CLYBL: variants seen among roughly 807,000 people sequenced by gnomAD.
CLYBL encodes citramalyl-CoA lyase, mitochondrial.
CLYBL carries 31 observed loss-of-function variants against 38.9 expected under a neutral mutation model. The ratio of observed to expected loss-of-function variants is 0.80; its 90% CI spans 0.60 to 1.08. The LOEUF is 1.08. CLYBL is among the 50% of genes least tolerant of loss of function. The probability of loss-of-function intolerance (pLI) is 0.00; values close to 1 mark genes in which losing one functional copy is unlikely to be tolerated. For missense variants in CLYBL, 434 were observed against 411.6 expected, an observed-to-expected ratio of 1.05 and a Z score of -0.47; for synonymous variants, 171 against 158.6, an observed-to-expected ratio of 1.08 and a Z score of -0.59.
chr13:99,844,468 G>A (rs2051153239), intron 2 of CLYBL, among the ~76,000 whole-genome samples: 1 of 152,198 alleles, frequency 6.6e-6, no homozygotes, highest in South Asian at 2.1e-4. Flanking sequence ...TTGTCCCCAA[G>A]CCCCTGGTGT....
At position 99,793,109 on chromosome 13, in the gene CLYBL, C is replaced by T. The variant is rs566396254; in HGVS notation, c.249+20099C>T. Among the ~76,000 whole-genome samples the T allele has an allele frequency of 5.3e-4, 81 of 151,906 alleles. 1 individual carries two copies. Among genetic ancestry groups the T allele is most frequent in the Non-Finnish European group, 9.4e-4 (64 of 67,986 alleles). ...AAAGCCCCATTTATGCTTACATAGACACACCGTACACATACACGAATCCAT... is the reference window on the plus strand; with the variant it reads ...AAAGCCCCATTTATGCTTACATAGATACACCGTACACATACACGAATCCAT... On this transcript the variant is annotated intron_variant, in intron 2 of 8. Transcript: ENST00000339105.
intron 1 of CLYBL, among the ~76,000 whole-genome samples, chr13:99,692,619 C>T (rs996983604): frequency 3.3e-5 from 5 of 152,120 alleles, no homozygotes; most frequent in African/African-American, 9.7e-5. Context: ...AAAGGACACA[C>T]GTCAGTGGTT....
chr13:99,881,909 T>C (rs2052221057), intron 7 of CLYBL, among the ~76,000 whole-genome samples: 2 of 152,208 alleles, frequency 1.3e-5, no homozygotes, highest in African/African-American at 4.8e-5. Context: ...TAATAAATTA[T>C]AGTAAGAACT....
At chr13:99,799,688 G>T (rs1191540513) in intron 2 of CLYBL, among the ~76,000 whole-genome samples, 2 of 152,232 alleles carry the variant, frequency 1.3e-5, no homozygotes, top group Non-Finnish European at 2.9e-5. Flanking sequence ...GCAGGGAAGG[G>T]TGTGTCTACA....
intron 2 of CLYBL, among the ~76,000 whole-genome samples, chr13:99,820,542 C>T (rs2050568911): frequency 6.8e-6 from 1 of 147,916 alleles, no homozygotes; most frequent in South Asian, 2.2e-4. Context: ...TTGTTTTCTC[C>T]TTTGGTCCTG....
At position 99,768,993 on chromosome 13, in the gene CLYBL, A is replaced by C. The variant is rs1405596486; in HGVS notation, c.63-3831A>C. Among the ~76,000 whole-genome samples, 5 of 152,320 alleles carry C rather than the reference A, an allele frequency of 3.3e-5. No individual in the cohort carries two copies. The South Asian group carries it at 1.0e-3, about 32-fold the overall frequency. ...ATTACCTGGAGGTCACTTCAGCCCA[A>C]GGGAGAGGGGCTTGCAACATTGGAG... On this transcript the variant is annotated intron_variant, in intron 1 of 8. Coordinates refer to ENST00000339105, the MANE Select transcript of CLYBL (RefSeq NM_206808.5).
intron 2 of CLYBL, among the ~76,000 whole-genome samples, chr13:99,815,322 A>G (rs894190855): frequency 2.7e-5 from 4 of 147,190 alleles, no homozygotes; most frequent in Non-Finnish European, 4.6e-5. Flanking sequence ...AGATGAGGGG[A>G]TGGATGGACC....
intron 1 of CLYBL, among the ~76,000 whole-genome samples, chr13:99,739,725 G>A (rs1566308083): frequency 6.6e-6 from 1 of 152,226 alleles, no homozygotes; most frequent in African/African-American, 2.4e-5. Context: ...GGTAATCCCA[G>A]CACTTTAGGA....
chr13:99,676,264 A>G (rs563975454), intron 1 of CLYBL, among the ~76,000 whole-genome samples: 29 of 110,684 alleles, frequency 2.6e-4, no homozygotes, highest in Non-Finnish European at 3.9e-4. Flanking sequence ...TTCTTTTTCT[A>G]TTTCTCTTTC....
rs151110029 is a variant in CLYBL, at chr13:99,652,357, A to G, written c.62+45600A>G. Among the ~76,000 whole-genome samples the G allele has an allele frequency of 3.5e-3, 540 of 152,274 alleles. 3 individuals are homozygous for G. The highest frequency in any genetic ancestry group is 5.2e-3 in the Non-Finnish European group (357 of 68,006). On this transcript the variant is annotated intron_variant, in intron 1 of 8. Transcript: ENST00000339105. ...CCATTTCCAGTGCTCCAGTGCCCCA[A>G]CTGGCCTGTCTGGTGTGATTTGCCA...
intron 2 of CLYBL, among the ~76,000 whole-genome samples, chr13:99,848,882 A>C (rs961475091): frequency 2.6e-5 from 4 of 152,188 alleles, no homozygotes; most frequent in African/African-American, 9.6e-5. Context: ...CTCACGCCGA[A>C]AATCCCAGCA....
chr13:99,830,261 A>G (rs2050779130), intron 2 of CLYBL, among the ~76,000 whole-genome samples: 1 of 152,216 alleles, frequency 6.6e-6, no homozygotes, highest in Non-Finnish European at 1.5e-5. Context: ...CCTAAGTGGA[A>G]GAGCCAGCAT....
intron 1 of CLYBL, among the ~76,000 whole-genome samples, chr13:99,744,637 A>T (rs900393781): frequency 1.3e-5 from 2 of 152,214 alleles, no homozygotes; most frequent in Non-Finnish European, 2.9e-5. Flanking sequence ...GTAAGCACCA[A>T]TTCAGAGAGA....
intron 2 of CLYBL, among the ~76,000 whole-genome samples, chr13:99,806,962 T>C (rs1353150371): frequency 6.6e-6 from 1 of 152,222 alleles, no homozygotes; most frequent in Non-Finnish European, 1.5e-5. Context: ...TGTGGACGGA[T>C]GATCAACAGT....
At chr13:99,748,411 C>G (rs1345864712) in intron 1 of CLYBL, among the ~76,000 whole-genome samples, 1 of 141,776 alleles carries the variant, frequency 7.1e-6, no homozygotes, top group Admixed American at 7.1e-5. Flanking sequence ...CCCCTGGCAA[C>G]TATCACTCTA....
chr13:99,775,322 G>A (rs2049489021), intron 2 of CLYBL, among the ~76,000 whole-genome samples: 1 of 152,126 alleles, frequency 6.6e-6, no homozygotes, highest in African/African-American at 2.4e-5. Context: ...CATAGTAGTA[G>A]CAGCTGTGCT....
intron 1 of CLYBL, among the ~76,000 whole-genome samples, chr13:99,757,598 G>A (rs2049089612): frequency 6.6e-6 from 1 of 152,152 alleles, no homozygotes. Flanking sequence ...TGGGATTACA[G>A]GCACCGGCCA....
At chr13:99,801,392 A>G (rs1266681308) in intron 2 of CLYBL, among the ~76,000 whole-genome samples, 1 of 152,186 alleles carries the variant, frequency 6.6e-6, no homozygotes, top group African/African-American at 2.4e-5. Context: ...GGCAAGAACC[A>G]TACTGTTCCA....
At chr13:99,749,006 C>G (rs1233836963) in intron 1 of CLYBL, among the ~76,000 whole-genome samples, 1 of 151,894 alleles carries the variant, frequency 6.6e-6, no homozygotes. Flanking sequence ...TGGTGAAACC[C>G]CACCTCTACT....
Sources: allele counts gnomAD v4.1 joint callset (sites outside exome capture counted in the v4.1 genomes callset), GRCh38; gene constraint gnomAD v4.1.1; transcripts MANE v1.5; gene names NCBI Gene and HGNC (gene_info 2026-07-23, HGNC 2026-07-21).